ANKS1A: variants seen among roughly 807,000 people sequenced by gnomAD.
The protein encoded by ANKS1A is ankyrin repeat and sterile alpha motif domain containing 1A, also known as ankyrin repeat and SAM domain-containing protein 1A.
In ANKS1A, 55 loss-of-function variants were observed where a neutral mutation model predicts 120.3. The observed-to-expected ratio is 0.46, with a 90% confidence interval of 0.37 to 0.57. ANKS1A has a LOEUF of 0.57. Ranked by LOEUF, ANKS1A falls within the 20% of genes least tolerant of loss-of-function variation. ANKS1A has a pLI of 0.00. For missense variants in ANKS1A, 1,123 were observed against 1,480.3 expected (o/e 0.76, Z 3.96); for synonymous variants, 590 against 604.7 (o/e 0.98, Z 0.36).
intron 11 of ANKS1A, among the ~76,000 whole-genome samples, chr6:35,025,286 G>GTGT (rs1774561862): frequency 1.3e-5 from 2 of 150,688 alleles, no homozygotes; most frequent in African/African-American, 4.9e-5. Flanking sequence ...ATATGTATGC[G>GTGT]ATGTGTGTGT....
In ANKS1A at chr6:34,983,123, C is replaced by T; in HGVS notation, c.819C>T (p.Val273=). 1 of 1,614,014 alleles carries T rather than the reference C, an allele frequency of 6.2e-7. No homozygotes were observed. Among genetic ancestry groups the T allele is most frequent in the South Asian group, 1.1e-5 (1 of 91,004 alleles). The change falls in exon 6 of 24, where the codon GTC becomes GTT. Residue 273 remains valine (V), a synonymous_variant. Transcript: ENST00000360359. The part of the protein sequence containing the change: ...VQILLAAGTD[V]NIKDNHGLTA... ...GGTGTGCCTTTCTAGGAACTGACGT[C>T]AACATAAAAGATAACCATGGACTGA...
At position 35,060,713 on chromosome 6, in the gene ANKS1A, C is replaced by T. The variant is rs73403843; in HGVS notation, c.2184+460C>T. On this transcript the variant is annotated intron_variant, in intron 13 of 23. Transcript: ENST00000360359. This position sits in a 1 kb window ranked among gnomAD's most constrained non-coding sequence, Gnocchi z 4.5. ...CCAGAGTTACACAGCCTTATATACC[C>T]GTGGCCTCAGAGATGGCCCAGAGGA... Among the ~76,000 whole-genome samples, 3,962 of 152,288 alleles carry T rather than the reference C, an allele frequency of 0.026. 62 individuals are homozygous for T. The highest frequency in any genetic ancestry group is 0.058 in the Middle Eastern group (17 of 294).
intron 1 of ANKS1A, among the ~76,000 whole-genome samples, chr6:34,937,667 G>A (rs1179102611): frequency 6.6e-6 from 1 of 152,220 alleles, no homozygotes; most frequent in East Asian, 1.9e-4. Context: ...ATAAAGGAGA[G>A]ATAAAGATAG....
chr6:34,998,530 C>T (rs1772973044), intron 10 of ANKS1A, among the ~76,000 whole-genome samples: 2 of 152,180 alleles, frequency 1.3e-5, no homozygotes, highest in Admixed American at 6.5e-5. Flanking sequence ...AATTCTACCC[C>T]TGACCTAGCA....
chr6:34,934,645 A>G (rs1769158668), intron 1 of ANKS1A, among the ~76,000 whole-genome samples: 1 of 152,248 alleles, frequency 6.6e-6, no homozygotes, highest in South Asian at 2.1e-4. Context: ...AATCTCATGC[A>G]AGAAGAAAAA....
At chr6:35,021,294 GC>G (rs1774327587) in intron 11 of ANKS1A, among the ~76,000 whole-genome samples, 1 of 152,168 alleles carries the variant, frequency 6.6e-6, no homozygotes, top group Non-Finnish European at 1.5e-5. Flanking sequence ...CTCTGAAGGT[GC>G]TTGGGCCTAG....
intron 10 of ANKS1A, among the ~76,000 whole-genome samples, chr6:35,012,628 G>T (rs780048867): frequency 1.3e-5 from 2 of 152,224 alleles, no homozygotes; most frequent in Non-Finnish European, 2.9e-5. Context: ...ATGAAAATGT[G>T]TAAATGTTGA....
intron 1 of ANKS1A, among the ~76,000 whole-genome samples, chr6:34,895,785 T>C (rs1767044949): frequency 8.6e-6 from 1 of 116,678 alleles, no homozygotes; most frequent in Admixed American, 8.3e-5. Flanking sequence ...TCTTTCTTTT[T>C]TTTTTTTTTT....
rs551155417 is a variant in ANKS1A at position 35,076,461 on chromosome 6, G to C, written c.2185-2097G>C. On this transcript the variant is annotated intron_variant, in intron 13 of 23. Coordinates refer to ENST00000360359, the MANE Select transcript of ANKS1A (RefSeq NM_015245.3). Reference sequence around the variant, plus strand: ...TAAGCCAGTTAACTCAAGGAGCTCTGGGTGTCCCCAAGTGTGCGGCACCAG... The same window carrying C: ...TAAGCCAGTTAACTCAAGGAGCTCTCGGTGTCCCCAAGTGTGCGGCACCAG... Among the ~76,000 whole-genome samples the C allele has an allele frequency of 9.8e-5, 15 of 152,302 alleles. No homozygotes were observed. The East Asian group carries it at 2.9e-3, about 29-fold the overall frequency.
chr6:35,088,820 C>A lies in ANKS1A; in HGVS notation c.*211C>A. 6.8e-7 allele frequency: 1 copy of A among 1,477,922 alleles called. No homozygotes were observed. The highest frequency in any genetic ancestry group is 9.0e-7 in the Non-Finnish European group (1 of 1,115,850). The allele number at this position is 1,477,922 out of a possible 1,614,324, so 91.6% of individuals were successfully genotyped here. A position where few individuals can be genotyped will look rare whatever the true frequency, so the allele number is the denominator to read the frequency against. Reference sequence around the variant, plus strand: ...GGCTGTGGAGAAGCACTCCAGGCCGCTAGCAGATGGGACTGGCATTCCAGA... The same window carrying A: ...GGCTGTGGAGAAGCACTCCAGGCCGATAGCAGATGGGACTGGCATTCCAGA... On this transcript the variant is annotated 3_prime_UTR_variant, in exon 24 of 24. Coordinates refer to ENST00000360359, the MANE Select transcript of ANKS1A (RefSeq NM_015245.3).
chr6:35,018,336 G>T (rs1195901211), intron 11 of ANKS1A, among the ~76,000 whole-genome samples: 1 of 152,188 alleles, frequency 6.6e-6, no homozygotes, highest in East Asian at 1.9e-4. Flanking sequence ...CATGCTGTTT[G>T]GAAATATTTG....
chr6:34,989,219 T>A lies in ANKS1A; in HGVS notation c.1210-5T>A. The A allele has an allele frequency of 6.2e-7, 1 of 1,613,206 alleles. No homozygotes were observed. Among genetic ancestry groups the A allele is most frequent in the Non-Finnish European group, 8.5e-7 (1 of 1,179,680 alleles). On this transcript the variant is annotated splice_region_variant and splice_polypyrimidine_tract_variant and intron_variant, in intron 8 of 23. Coordinates refer to ENST00000360359, the MANE Select transcript of ANKS1A (RefSeq NM_015245.3). ...GCAAAATATTTATTTTTTTCTCTTC[T>A]GCAGAGGGAACGTCCACCACCTCCA... is the stretch of plus-strand genomic sequence containing the variant.
chr6:34,958,648 G>A (rs1044698208), intron 1 of ANKS1A, among the ~76,000 whole-genome samples: 1 of 152,126 alleles, frequency 6.6e-6, no homozygotes, highest in Non-Finnish European at 1.5e-5. Context: ...TTTCTGATTT[G>A]ACTCTGCCGG....
Position 35,081,143 on chromosome 6 carries a change from G to C in ANKS1A, c.2694G>C (p.Glu898Asp). 6.2e-7 allele frequency: 1 copy of C among 1,611,042 alleles called. No homozygotes were observed. Among genetic ancestry groups the C allele is most frequent in the Non-Finnish European group, 8.5e-7 (1 of 1,178,874 alleles). The change falls in exon 17 of 24, where the codon GAG (glutamate) becomes GAC (aspartate). Residue 898 changes from glutamate (E) to aspartate (D), a missense_variant. This residue lies in a region of ANKS1A where 904 missense variants were observed against 1,130.4 expected (regional missense o/e 0.80). Coordinates refer to ENST00000360359, the MANE Select transcript of ANKS1A (RefSeq NM_015245.3). ...ACCCTGCGGCACCCTCCCGAGCGGA[G>C]CGCTTCAGGATCCAGGTGGGGCAGG... is the stretch of plus-strand genomic sequence containing the variant. ...LHDPAAPSRA[E>D]RFRIQEEHRE...
At chr6:34,909,915 C>T (rs1394157628) in intron 1 of ANKS1A, among the ~76,000 whole-genome samples, 3 of 152,128 alleles carry the variant, frequency 2.0e-5, no homozygotes, top group Admixed American at 6.5e-5. Flanking sequence ...AAGCATTGTG[C>T]ATTGAGACGA....
At chr6:34,961,301 A>G (rs1770623953) in intron 1 of ANKS1A, among the ~76,000 whole-genome samples, 1 of 152,164 alleles carries the variant, frequency 6.6e-6, no homozygotes. Flanking sequence ...AAAAGGAAGA[A>G]ACTTGGGTGG....
chr6:34,893,917 A>G (rs1277950731), intron 1 of ANKS1A, among the ~76,000 whole-genome samples: 3 of 152,338 alleles, frequency 2.0e-5, no homozygotes, highest in Non-Finnish European at 2.9e-5. Context: ...ATAGCTTGTT[A>G]GTGAAAGAAG....
intron 1 of ANKS1A, among the ~76,000 whole-genome samples, chr6:34,919,099 G>T (rs916858208): frequency 6.6e-6 from 1 of 152,162 alleles, no homozygotes; most frequent in Non-Finnish European, 1.5e-5. Flanking sequence ...TGATCCACCT[G>T]CCTTGGCCTC....
intron 11 of ANKS1A, among the ~76,000 whole-genome samples, chr6:35,037,382 C>G (rs1775227825): frequency 6.6e-6 from 1 of 152,170 alleles, no homozygotes; most frequent in Admixed American, 6.5e-5. Context: ...CTGTGACCAC[C>G]TATCTCTGGC....
Sources: allele counts gnomAD v4.1 joint callset (sites outside exome capture counted in the v4.1 genomes callset), GRCh38; gene constraint gnomAD v4.1.1; regional missense constraint gnomAD v4.1.1; non-coding constraint Gnocchi (gnomAD v3.1); transcripts MANE v1.5; gene names NCBI Gene and HGNC (gene_info 2026-07-23, HGNC 2026-07-21).